Variants in SAG observed in about 807,000 individuals in gnomAD.
The protein encoded by SAG is S-arrestin.
A neutral mutation model predicts 55.0 loss-of-function variants in SAG; 45 were observed. The observed-to-expected ratio is 0.82, with a 90% CI of 0.64 to 1.05. SAG has a LOEUF of 1.05. Among genes scored for constraint, SAG ranks in the 50% least tolerant of loss-of-function variants. The pLI is 0.00. For synonymous variants in SAG, 189 were observed against 197.4 expected (o/e 0.96, Z 0.36); for missense variants, 455 against 512.1 (o/e 0.89, Z 1.08).
At chr2:233,326,899 C>T (rs940508805) in intron 6 of SAG, among the ~76,000 whole-genome samples, 1 of 147,978 alleles carries the variant, frequency 6.8e-6, no homozygotes, top group Admixed American at 6.6e-5. Flanking sequence ...GGATCCCCTC[C>T]CTCTGGGGGC....
chr2:233,343,521 C>G, intron 14 of SAG: 1 of 308,548 alleles, frequency 3.2e-6, no homozygotes, highest in Non-Finnish European at 5.9e-6. Flanking sequence ...CGAAATGATG[C>G]AATAGTTGTA....
chr2:233,338,647 C>T (rs1173266331), intron 11 of SAG, 29 bp from the exon 12 acceptor site: 1 of 1,598,628 alleles, frequency 6.3e-7, no homozygotes, highest in Non-Finnish European at 8.6e-7. Context: ...TGCTCTCCAT[C>T]ATTCTCCTTT....
intron 3 of SAG, among the ~76,000 whole-genome samples, chr2:233,317,129 T>C (rs935664882): frequency 2.0e-5 from 3 of 152,228 alleles, no homozygotes; most frequent in Non-Finnish European, 4.4e-5. Context: ...CCCAAAGTGC[T>C]GAGATTACAG....
At position 233,309,151 on chromosome 2, in the gene SAG, A is replaced by G. The variant is rs559630738; in HGVS notation, c.-28-11A>G. On this transcript the variant is annotated splice_polypyrimidine_tract_variant and intron_variant, in intron 1 of 15. Coordinates refer to ENST00000409110, the MANE Select transcript of SAG (RefSeq NM_000541.5). Reference sequence around the variant, plus strand: ...TTCTCCAACCCTCTAACACCTGACCAACACCCCAAGGTGGTAGAAGTTGCC... The same window carrying G: ...TTCTCCAACCCTCTAACACCTGACCGACACCCCAAGGTGGTAGAAGTTGCC... The G allele has an allele frequency of 1.7e-5, 26 of 1,568,448 alleles. No individual in the cohort carries two copies. The South Asian group carries it at 2.7e-4, about 16-fold the overall frequency.
chr2:233,339,464 C>T (rs6742218), intron 12 of SAG, among the ~76,000 whole-genome samples: 1 of 151,560 alleles, frequency 6.6e-6, no homozygotes, highest in East Asian at 1.9e-4. Flanking sequence ...GGAAAATAAG[C>T]GTTTAAAAAG....
chr2:233,346,662 A>G (rs1701261066), intron 15 of SAG, 145 bp from the exon 16 acceptor site: 1 of 745,936 alleles, frequency 1.3e-6, no homozygotes, highest in Non-Finnish European at 2.3e-6. Flanking sequence ...TTTTAAACGA[A>G]GCCTTGAGGA....
chr2:233,311,862 A>G (rs1700083734), intron 2 of SAG, among the ~76,000 whole-genome samples: 1 of 152,194 alleles, frequency 6.6e-6, no homozygotes, highest in Non-Finnish European at 1.5e-5. Flanking sequence ...GCGGTGGTTT[A>G]TGCCTGTAAT....
At chr2:233,334,394 A>T (rs1467652793) in intron 10 of SAG, 1 of 152,300 alleles carries the variant, frequency 6.6e-6, no homozygotes, top group African/African-American at 2.4e-5. Flanking sequence ...TCAGATGTTG[A>T]GAAATCTATA....
At chr2:233,308,408 G>T (rs1436644516) in intron 1 of SAG, among the ~76,000 whole-genome samples, 1 of 151,938 alleles carries the variant, frequency 6.6e-6, no homozygotes, top group Non-Finnish European at 1.5e-5. Context: ...TCGAGGCTGC[G>T]GTGAGCTATG....
rs1378965728 is a variant in SAG, at chr2:233,319,687, T to C, written c.181+892T>C. The C allele has an allele frequency of 1.0e-6, 1 of 985,566 alleles. No homozygotes were observed. Among genetic ancestry groups the C allele is most frequent in the East Asian group, 1.1e-4 (1 of 8,824 alleles). 61.1% of individuals were successfully genotyped at this position (985,566 alleles called of 1,614,324 possible). On this transcript the variant is annotated intron_variant, in intron 4 of 15. Transcript: ENST00000409110. The surrounding 1 kb of genome is among the most constrained non-coding windows in gnomAD (Gnocchi z 4.4). Reference sequence around the variant, plus strand: ...CCTCTCTGGACCAGGAGGCATCTGGTTTGAGCCCCGAAAGCCCAAGTCCTT... The same window carrying C: ...CCTCTCTGGACCAGGAGGCATCTGGCTTGAGCCCCGAAAGCCCAAGTCCTT...
intron 6 of SAG, among the ~76,000 whole-genome samples, chr2:233,325,639 C>G (rs184961519): frequency 1.3e-5 from 2 of 152,278 alleles, no homozygotes; most frequent in East Asian, 3.9e-4. Flanking sequence ...TTATAGTGCT[C>G]TATAAGAGAG....
At chr2:233,337,603 G>A (rs965098917) in intron 11 of SAG, among the ~76,000 whole-genome samples, 2 of 152,168 alleles carry the variant, frequency 1.3e-5, no homozygotes, top group Non-Finnish European at 2.9e-5. Context: ...GGGGAGCACT[G>A]TGGTCCTGGA....
intron 8 of SAG, 140 bp from the exon 9 acceptor site, chr2:233,329,353 G>A (rs1410204656): frequency 6.1e-6 from 4 of 654,496 alleles, no homozygotes; most frequent in Admixed American, 2.6e-5. Flanking sequence ...TAGAAGAAAT[G>A]TATTGCTATC....
At chr2:233,337,491 C>T (rs6734243) in intron 11 of SAG, among the ~76,000 whole-genome samples, 2 of 151,934 alleles carry the variant, frequency 1.3e-5, no homozygotes, top group South Asian at 2.1e-4. Flanking sequence ...TGCCCGCCTC[C>T]GTCTCCCAAA....
chr2:233,320,582 G>A, intron 4 of SAG, 48 bp from the exon 5 acceptor site: 1 of 1,453,736 alleles, frequency 6.9e-7, no homozygotes, highest in Non-Finnish European at 9.3e-7. Context: ...GTGGTGGTGG[G>A]TGCCAGGCCG....
intron 5 of SAG, among the ~76,000 whole-genome samples, chr2:233,322,092 C>G (rs2125329770): frequency 7.0e-6 from 1 of 143,022 alleles, no homozygotes; most frequent in South Asian, 2.2e-4. Flanking sequence ...GAGGCTGAGG[C>G]AGGAGAATGG....
chr2:233,317,079 C>A (rs182417787), intron 3 of SAG, among the ~76,000 whole-genome samples: 1 of 152,160 alleles, frequency 6.6e-6, no homozygotes, highest in African/African-American at 2.4e-5. Context: ...CCAGGCTGGT[C>A]TTGAACTCCT....
intron 14 of SAG, 131 bp downstream of exon 14, chr2:233,342,457 C>G: frequency 1.3e-6 from 1 of 754,154 alleles, no homozygotes; most frequent in Non-Finnish European, 2.3e-6. Flanking sequence ...TCCATGTGAT[C>G]TACAAGGTGA....
chr2:233,338,503 C>T, intron 11 of SAG, 173 bp from the exon 12 acceptor site: 2 of 633,198 alleles, frequency 3.2e-6, no homozygotes, highest in South Asian at 1.9e-5. Context: ...GCAAGGAGTC[C>T]CCATACCCAC....
Sources: gnomAD v4.1 joint callset for allele counts (sites outside exome capture counted in the v4.1 genomes callset) on GRCh38, gnomAD v4.1.1 for gene constraint, Gnocchi (gnomAD v3.1) non-coding constraint, MANE v1.5 for transcripts, NCBI Gene and HGNC (gene_info 2026-07-23, HGNC 2026-07-21) for gene names.